The following ADGRL3 variants were observed in gnomAD, a reference collection of about 807,000 sequenced individuals.
The protein encoded by ADGRL3 is calcium-independent alpha-latrotoxin receptor 3.
A neutral mutation model predicts 153.5 loss-of-function variants in ADGRL3; 62 were observed. That is an observed-to-expected ratio of 0.40 (90% CI 0.33 to 0.50). ADGRL3 has a LOEUF of 0.50. ADGRL3 is among the 20% of genes least tolerant of loss of function. The pLI, the probability that ADGRL3 is intolerant of heterozygous loss-of-function variation, is 0.47. For synonymous variants in ADGRL3, 710 were observed against 672.5 expected (o/e 1.06, Z -0.86); for missense variants, 1,641 against 1,859.4 (o/e 0.88, Z 2.16).
At chr4:61,388,306 C>T (rs920912451) in intron 2 of ADGRL3, among the ~76,000 whole-genome samples, 5 of 152,058 alleles carry the variant, frequency 3.3e-5, no homozygotes, top group African/African-American at 7.2e-5. Context: ...TTAAGGACTA[C>T]GTAAGTGTTT....
At chr4:61,606,545 C>T (rs1003130674) in intron 5 of ADGRL3, among the ~76,000 whole-genome samples, 2 of 152,286 alleles carry the variant, frequency 1.3e-5, no homozygotes, top group Middle Eastern at 3.4e-3. Context: ...GTGTCTCTTT[C>T]TTTTCTTATA....
intron 25 of ADGRL3, among the ~76,000 whole-genome samples, chr4:62,057,294 C>A (rs1212665630): frequency 6.6e-6 from 1 of 152,022 alleles, no homozygotes; most frequent in East Asian, 1.9e-4. Flanking sequence ...TCAGGGCCTC[C>A]CAATGTCAAA....
intron 1 of ADGRL3, among the ~76,000 whole-genome samples, chr4:61,366,349 G>T (rs142818476): frequency 2.6e-5 from 4 of 152,300 alleles, no homozygotes; most frequent in African/African-American, 9.6e-5. Context: ...GGCACAAGTG[G>T]AGTATAGCCT....
chr4:61,760,151 T>A (rs1450455221), intron 8 of ADGRL3, among the ~76,000 whole-genome samples: 2 of 152,114 alleles, frequency 1.3e-5, no homozygotes, highest in East Asian at 3.9e-4. Flanking sequence ...GATCTCCAGC[T>A]GCATGCTGGG....
At chr4:61,842,475 G>T (rs1398676138) in intron 9 of ADGRL3, among the ~76,000 whole-genome samples, 4 of 152,102 alleles carry the variant, frequency 2.6e-5, no homozygotes, top group African/African-American at 9.7e-5. Context: ...TCTTAGTTTA[G>T]ATCTAGGTAG....
intron 1 of ADGRL3, among the ~76,000 whole-genome samples, chr4:61,213,027 A>G (rs1364902393): frequency 1.3e-5 from 2 of 152,184 alleles, no homozygotes; most frequent in African/African-American, 4.8e-5. Flanking sequence ...CCTTTCTTGA[A>G]TAATAGATGA....
At chr4:61,620,521 C>T (rs1468823565) in intron 5 of ADGRL3, among the ~76,000 whole-genome samples, 2 of 151,898 alleles carry the variant, frequency 1.3e-5, no homozygotes, top group Non-Finnish European at 2.9e-5. Context: ...AAGCCGGGTA[C>T]CAGTGTCTCT....
intron 1 of ADGRL3, among the ~76,000 whole-genome samples, chr4:61,230,367 A>G (rs1750072925): frequency 3.9e-5 from 6 of 152,170 alleles, no homozygotes; most frequent in Admixed American, 3.9e-4. Flanking sequence ...CATCTCAGAT[A>G]TTATAAGTGT....
At chr4:61,762,972 T>A (rs1344275964) in intron 8 of ADGRL3, among the ~76,000 whole-genome samples, 5 of 152,110 alleles carry the variant, frequency 3.3e-5, no homozygotes, top group Admixed American at 1.3e-4. Flanking sequence ...GGTGCTACTC[T>A]TTTCCTTTTT....
At chr4:62,007,356 T>TATATATATATATA (rs1553908564) in intron 21 of ADGRL3, among the ~76,000 whole-genome samples, 1 of 30,914 alleles carries the variant, frequency 3.2e-5, no homozygotes, top group Non-Finnish European at 6.3e-5. Flanking sequence ...GACAAAATGA[T>TATATATATATATA]TATATATATA....
intron 17 of ADGRL3, among the ~76,000 whole-genome samples, chr4:61,964,190 A>C (rs2098998081): frequency 6.6e-6 from 1 of 152,204 alleles, no homozygotes; most frequent in South Asian, 2.1e-4. Context: ...TCTTGTTCCC[A>C]TTATTAATTG....
intron 25 of ADGRL3, among the ~76,000 whole-genome samples, chr4:62,056,727 C>A (rs1340041505): frequency 1.3e-5 from 2 of 151,888 alleles, no homozygotes; most frequent in African/African-American, 2.4e-5. Flanking sequence ...AATTTATATA[C>A]GTTAATGTAT....
intron 1 of ADGRL3, among the ~76,000 whole-genome samples, chr4:61,381,782 C>A (rs933724827): frequency 9.2e-5 from 14 of 151,848 alleles, no homozygotes; most frequent in African/African-American, 3.4e-4. Flanking sequence ...ATTGAGAGAG[C>A]ATGCTAGAAT....
At chr4:61,599,404 A>G (rs769420487) in intron 5 of ADGRL3, among the ~76,000 whole-genome samples, 5 of 152,134 alleles carry the variant, frequency 3.3e-5, no homozygotes, top group Non-Finnish European at 7.4e-5. Context: ...CAATGGCGCA[A>G]TCTGGGCTCC....
chr4:61,836,371 T>G (rs1270629598), intron 9 of ADGRL3, among the ~76,000 whole-genome samples: 1 of 152,142 alleles, frequency 6.6e-6, no homozygotes, highest in African/African-American at 2.4e-5. Flanking sequence ...ATTGGAGTCA[T>G]AAAAGTCATA....
intron 6 of ADGRL3, among the ~76,000 whole-genome samples, chr4:61,704,905 T>C (rs959260970): frequency 6.6e-6 from 1 of 152,208 alleles, no homozygotes; most frequent in Non-Finnish European, 1.5e-5. Context: ...AGCAATTCAG[T>C]CACATCTTCA....
chr4:61,214,898 A>G (rs1158690333), intron 1 of ADGRL3, among the ~76,000 whole-genome samples: 1 of 152,172 alleles, frequency 6.6e-6, no homozygotes, highest in Non-Finnish European at 1.5e-5. Flanking sequence ...TCATCACGCC[A>G]CGGCACTCCA....
chr4:61,558,173 CAT>C (rs33947698), intron 4 of ADGRL3, among the ~76,000 whole-genome samples: 111 of 128,968 alleles, frequency 8.6e-4, no homozygotes, highest in African/African-American at 1.1e-3. Context: ...ATGTAGGAAT[CAT>C]ATATATATAT....
At chr4:61,532,549 C>CTTGT (rs1579374018) in intron 4 of ADGRL3, among the ~76,000 whole-genome samples, 1 of 103,670 alleles carries the variant, frequency 9.6e-6, no homozygotes, top group East Asian at 2.8e-4. Context: ...CGCGCGCGCG[C>CTTGT]GCGCGCGTGT....
Sources: allele counts gnomAD v4.1 joint callset (sites outside exome capture counted in the v4.1 genomes callset), GRCh38; gene constraint gnomAD v4.1.1; transcripts MANE v1.5; gene names NCBI Gene and HGNC (gene_info 2026-07-23, HGNC 2026-07-21).